The following ENAH variants were observed in gnomAD, a reference collection of about 807,000 sequenced individuals.
ENAH encodes protein enabled homolog.
In ENAH, 23 loss-of-function variants were observed where a neutral mutation model predicts 78.7. The ratio of observed to expected loss-of-function variants is 0.29; its 90% confidence interval spans 0.21 to 0.41. ENAH has a LOEUF of 0.41. Among genes scored for constraint, ENAH ranks in the 10% least tolerant of loss-of-function variants. The probability of loss-of-function intolerance (pLI) is 1.00; values close to 1 mark genes in which losing one functional copy is unlikely to be tolerated. For synonymous variants in ENAH, 226 were observed against 241.0 expected (o/e 0.94, Z 0.58); for missense variants, 544 against 691.0 (o/e 0.79, Z 2.39).
At chr1:225,550,766 T>C (rs1369294363) in intron 3 of ENAH, among the ~76,000 whole-genome samples, 4 of 152,188 alleles carry the variant, frequency 2.6e-5, no homozygotes, top group African/African-American at 7.2e-5. Flanking sequence ...CCAGCAAAAG[T>C]AGTCTTTTAG....
intron 1 of ENAH, among the ~76,000 whole-genome samples, chr1:225,583,635 T>C (rs547161276): frequency 6.6e-6 from 1 of 150,658 alleles, no homozygotes; most frequent in Non-Finnish European, 1.5e-5. Context: ...GGTGAAACCC[T>C]GTCTCTACTA....
chr1:225,514,597 C>G lies in ENAH; in HGVS notation c.1217G>C (p.Arg406Pro). 1 of 1,611,126 alleles carries G rather than the reference C, an allele frequency of 6.2e-7. No individual in the cohort carries two copies. Among genetic ancestry groups the G allele is most frequent in the Non-Finnish European group, 8.5e-7 (1 of 1,179,484 alleles). Residue 406 changes from arginine (R) to proline (P), a missense_variant and splice_region_variant, in exon 7 of 14, where the codon CGG (arginine) becomes CCG (proline). Arg to Pro is a moderately radical substitution (Grantham distance 103). Around this residue, in one of 4 missense-constraint regions of ENAH, gnomAD observed 366 missense variants for 396.1 expected, o/e 0.92. Coordinates refer to ENST00000366843, the MANE Select transcript of ENAH (RefSeq NM_018212.6). ...IAGAKLRKVS[R>P]MEDTSFPSGG... ...AAAATTTTTCAGAAAGGTATTTACC[C>G]GTGACACTTTCCTAAGTTTTGCTCC...
Position 225,615,208 on chromosome 1 carries a change from G to C in ENAH, c.5+37478C>G, listed in dbSNP as rs2097019578. Reference sequence around the variant, plus strand: ...CAGGCGCGCGCCGCCACGCCTGACTGGTTTTTGTATTTTTTCGGTGGAGAC... The same window carrying C: ...CAGGCGCGCGCCGCCACGCCTGACTCGTTTTTGTATTTTTTCGGTGGAGAC... On this transcript the variant is annotated intron_variant, in intron 1 of 13. Transcript: ENST00000366843. 7.9e-5 allele frequency among the ~76,000 whole-genome samples: 12 copies of C among 152,204 alleles called. No individual in the cohort carries two copies. The South Asian group carries it at 2.5e-3, about 32-fold the overall frequency.
chr1:225,496,990 T>G lies in ENAH; in HGVS notation c.*785A>C, dbSNP rs1255930884. On this transcript the variant is annotated 3_prime_UTR_variant, in exon 14 of 14. Transcript: ENST00000366843. ...AAAGGTTGAAAACCTACAGTAAATC[T>G]ACAATATAGTGTTTACATTTGACCA... The G allele has an allele frequency of 6.5e-6, 1 of 152,676 alleles. No individual in the cohort carries two copies. Among genetic ancestry groups the G allele is most frequent in the Non-Finnish European group, 1.5e-5 (1 of 68,042 alleles). The allele number at this position is 152,676 out of a possible 1,614,324, so 9.5% of individuals were successfully genotyped here. A position where few individuals can be genotyped will look rare whatever the true frequency, so the allele number is the denominator to read the frequency against.
chr1:225,584,132 G>A (rs1446388634), intron 1 of ENAH, among the ~76,000 whole-genome samples: 2 of 152,304 alleles, frequency 1.3e-5, no homozygotes, highest in East Asian at 1.9e-4. Context: ...AAGCCTGGGC[G>A]ACAGAGCAAG....
intron 1 of ENAH, among the ~76,000 whole-genome samples, chr1:225,635,492 T>C (rs1659898573): frequency 6.6e-6 from 1 of 152,232 alleles, no homozygotes; most frequent in African/African-American, 2.4e-5. Flanking sequence ...TATATTTATT[T>C]TTATTGTGTA....
intron 1 of ENAH, among the ~76,000 whole-genome samples, chr1:225,651,686 C>T (rs1279412768): frequency 6.6e-6 from 1 of 152,080 alleles, no homozygotes; most frequent in Non-Finnish European, 1.5e-5. Flanking sequence ...GATGATAACG[C>T]AGAATGGATC....
intron 3 of ENAH, among the ~76,000 whole-genome samples, chr1:225,538,105 G>A (rs373353316): frequency 1.2e-4 from 19 of 152,112 alleles, no homozygotes; most frequent in African/African-American, 4.3e-4. Context: ...TCTCTGGAAG[G>A]CTGGTCAGTT....
chr1:225,565,173 C>T (rs1200807111), intron 2 of ENAH, among the ~76,000 whole-genome samples: 2 of 152,160 alleles, frequency 1.3e-5, no homozygotes, highest in Non-Finnish European at 2.9e-5. Context: ...CGGTGGCTCA[C>T]GCCTATAATC....
upstream of ENAH, among the ~76,000 whole-genome samples, chr1:225,653,388 C>T (rs1404761699): frequency 6.6e-6 from 1 of 151,746 alleles, no homozygotes; most frequent in Non-Finnish European, 1.5e-5. This position sits in a 1 kb window ranked among gnomAD's most constrained non-coding sequence, Gnocchi z 4.3. Context: ...GCCCCCTGCA[C>T]CCCTCTGGGA....
intron 3 of ENAH, among the ~76,000 whole-genome samples, chr1:225,546,036 G>C: frequency 6.7e-6 from 1 of 149,644 alleles, no homozygotes; most frequent in Non-Finnish European, 1.5e-5. Context: ...TGATCCTCCT[G>C]CCTCAGCCTC....
At chr1:225,564,423 G>A (rs561834398) in intron 2 of ENAH, among the ~76,000 whole-genome samples, 2 of 150,728 alleles carry the variant, frequency 1.3e-5, no homozygotes, top group South Asian at 4.2e-4. Context: ...CAAGTAGCTC[G>A]AATTACAGGC....
rs1232200860 is a variant in ENAH at position 225,491,020 on chromosome 1, T to G, written c.*6755A>C. On this transcript the variant is annotated 3_prime_UTR_variant, in exon 14 of 14. Coordinates refer to ENST00000366843, the MANE Select transcript of ENAH (RefSeq NM_018212.6). ...ACAAACCTCAGACTTGATCAATGGG[T>G]GGAGGGAAACTCCATATTTAAAATG... is the stretch of plus-strand genomic sequence containing the variant. 2 of 152,194 alleles carry G rather than the reference T, an allele frequency of 1.3e-5. No homozygotes were observed. The highest frequency in any genetic ancestry group is 2.9e-5 in the Non-Finnish European group (2 of 68,034). The allele number at this position is 152,194 out of a possible 1,614,324, so 9.4% of individuals were successfully genotyped here.
At chr1:225,511,597 A>G (rs2096377145) in intron 10 of ENAH, among the ~76,000 whole-genome samples, 1 of 152,222 alleles carries the variant, frequency 6.6e-6, no homozygotes, top group Non-Finnish European at 1.5e-5. Context: ...CTAATAGTAC[A>G]TTAATATTTT....
At chr1:225,521,467 C>G (rs931953518) in intron 4 of ENAH, among the ~76,000 whole-genome samples, 18 of 151,702 alleles carry the variant, frequency 1.2e-4, no homozygotes, top group Non-Finnish European at 2.5e-4. Context: ...ATGGTGGAAC[C>G]CTGTCTCTAC....
At chr1:225,608,730 C>A (rs924143830) in intron 1 of ENAH, among the ~76,000 whole-genome samples, 1 of 147,566 alleles carries the variant, frequency 6.8e-6, no homozygotes, top group African/African-American at 2.5e-5. Flanking sequence ...GCAGGAAAAT[C>A]GCTTGAACCC....
chr1:225,606,322 C>T (rs773392274), intron 1 of ENAH, among the ~76,000 whole-genome samples: 7 of 151,780 alleles, frequency 4.6e-5, no homozygotes, highest in African/African-American at 4.8e-5. Flanking sequence ...ATTAGCCATG[C>T]GTGGTGGCAG....
chr1:225,567,751 C>T (rs936136830), intron 1 of ENAH, among the ~76,000 whole-genome samples: 2 of 152,240 alleles, frequency 1.3e-5, no homozygotes, highest in East Asian at 1.9e-4. Context: ...AAAGTAATTG[C>T]ACTTTTTGCT....
At chr1:225,593,612 T>C (rs1052758040) in intron 1 of ENAH, among the ~76,000 whole-genome samples, 4 of 152,166 alleles carry the variant, frequency 2.6e-5, no homozygotes, top group Non-Finnish European at 2.9e-5. Context: ...TGGGAATCAC[T>C]AGCATATGAT....
Sources: allele counts gnomAD v4.1 joint callset (sites outside exome capture counted in the v4.1 genomes callset), GRCh38; gene constraint gnomAD v4.1.1; regional missense constraint gnomAD v4.1.1; non-coding constraint Gnocchi (gnomAD v3.1); transcripts MANE v1.5; gene names NCBI Gene and HGNC (gene_info 2026-07-23, HGNC 2026-07-21).